The following BCAR1 variants were observed in gnomAD, a reference collection of about 807,000 sequenced individuals.
BCAR1 encodes breast cancer anti-estrogen resistance protein 1.
In BCAR1, 30 loss-of-function variants were observed where a neutral mutation model predicts 67.6. That is an observed-to-expected ratio of 0.44 (90% CI 0.33 to 0.60). The LOEUF is 0.60. BCAR1 is among the 20% of genes least tolerant of loss of function. The pLI is 0.02. For synonymous variants in BCAR1, 626 were observed against 556.7 expected, an observed-to-expected ratio of 1.12 and a Z score of -1.75; for missense variants, 1,313 against 1,222.3, an observed-to-expected ratio of 1.07 and a Z score of -1.11.
At chr16:75,238,117 G>T (rs1277554046) in intron 2 of BCAR1, 1 of 1,288,332 alleles carries the variant, frequency 7.8e-7, no homozygotes, top group African/African-American at 1.5e-5. Flanking sequence ...GGGAAGCCAA[G>T]GCCCGCACAG....
At chr16:75,251,438 C>G in intron 1 of BCAR1, 33 bp downstream of exon 1, 1 of 1,467,544 alleles carries the variant, frequency 6.8e-7, no homozygotes, top group Middle Eastern at 1.9e-4. Flanking sequence ...CCTCCAAGCC[C>G]GTACGCGGCC....
chr16:75,241,173 G>C (rs1477251443), intron 2 of BCAR1, among the ~76,000 whole-genome samples: 1 of 152,230 alleles, frequency 6.6e-6, no homozygotes, highest in Non-Finnish European at 1.5e-5. Context: ...GTATGCACGT[G>C]TGTTTACACA....
chr16:75,258,550 A>AAAC (rs1187927468), intron 1 of BCAR1, among the ~76,000 whole-genome samples: 3 of 152,346 alleles, frequency 2.0e-5, no homozygotes, highest in African/African-American at 7.2e-5. Context: ...GCACAAACGT[A>AAAC]AACGCTTGCA....
upstream of BCAR1, among the ~76,000 whole-genome samples, chr16:75,254,166 T>G (rs2077732935): frequency 6.6e-6 from 1 of 151,798 alleles, no homozygotes; most frequent in South Asian, 2.1e-4. Context: ...TCCCACACAT[T>G]TCGGGGCACA....
intron 1 of BCAR1, chr16:75,263,913 A>T (rs1190611640): frequency 9.4e-7 from 1 of 1,068,778 alleles, no homozygotes; most frequent in African/African-American, 1.7e-5. Context: ...TGGCCCCACC[A>T]CCTCACACAC....
intron 1 of BCAR1, chr16:75,243,571 T>G: frequency 2.2e-6 from 1 of 460,832 alleles, no homozygotes; most frequent in East Asian, 6.4e-5. Context: ...CTTAACAAAG[T>G]CTATCTACCC....
At chr16:75,233,821 G>A (rs1301866839) in intron 6 of BCAR1, 25 bp downstream of exon 6, 1 of 1,578,644 alleles carries the variant, frequency 6.3e-7, no homozygotes, top group Non-Finnish European at 8.6e-7. Flanking sequence ...GCAAAGCTGG[G>A]CCTTGCTCTG....
At chr16:75,261,621 A>G (rs1035457447) in intron 1 of BCAR1, among the ~76,000 whole-genome samples, 16 of 152,230 alleles carry the variant, frequency 1.1e-4, no homozygotes, top group African/African-American at 3.1e-4. Flanking sequence ...GGTTGCCCCA[A>G]TGCAGGTCAC....
intron 1 of BCAR1, chr16:75,264,887 G>C (rs982358987): frequency 5.9e-6 from 1 of 169,908 alleles, no homozygotes; most frequent in Non-Finnish European, 1.2e-5. Flanking sequence ...AGCTCGCCAG[G>C]TGCAGATGGT....
intron 1 of BCAR1, among the ~76,000 whole-genome samples, chr16:75,260,614 A>G (rs1008984322): frequency 4.8e-5 from 7 of 145,028 alleles, no homozygotes; most frequent in Non-Finnish European, 9.0e-5. Flanking sequence ...AGCCTGGGTG[A>G]CAGAGTGAGA....
chr16:75,255,190 G>A (rs1286443828), upstream of BCAR1, among the ~76,000 whole-genome samples: 2 of 152,212 alleles, frequency 1.3e-5, no homozygotes, highest in African/African-American at 2.4e-5. Context: ...GAAAAGAGCA[G>A]GCTAAAACCA....
At chr16:75,244,046 T>C (rs1368860067) in intron 1 of BCAR1, among the ~76,000 whole-genome samples, 1 of 152,124 alleles carries the variant, frequency 6.6e-6, no homozygotes. Flanking sequence ...GAGGGCTGCA[T>C]GGGTTCCACA....
chr16:75,235,724 T>C lies in BCAR1; in HGVS notation c.1175A>G (p.Glu392Gly). Reference sequence around the variant, plus strand: ...AGCCACCTCAGGAGGAAGCACCCGTTCACGGGGCACATCGTACAGGGTGCC... The same window carrying C: ...AGCCACCTCAGGAGGAAGCACCCGTCCACGGGGCACATCGTACAGGGTGCC... ...GPGTLYDVPR[E>G]RVLPPEVADG... is the part of the protein sequence containing the mutation. Residue 392 changes from glutamate to glycine, a missense_variant, in exon 5 of 7, where the codon GAA (glutamate) becomes GGA (glycine). Physicochemically the swap from Glu to Gly is moderately conservative, Grantham distance 98. Around this residue, in one of 2 missense-constraint regions of BCAR1, gnomAD observed 1,272 missense variants for 1,137.5 expected, o/e 1.12. Transcript: ENST00000162330. The C allele has an allele frequency of 1.2e-6, 2 of 1,607,032 alleles. No homozygotes were observed. Among genetic ancestry groups the C allele is most frequent in the Non-Finnish European group, 8.5e-7 (1 of 1,176,712 alleles).
rs2077818820 is a variant in BCAR1, at chr16:75,257,905, G to T, written c.66+10010C>A. On this transcript the variant is annotated intron_variant, in intron 1 of 6. Transcript: ENST00000393422. ...TCGCCCAGGCTTAGACTAGAGGAAG[G>T]GAGCAGATATTAATGACTCCAACTC... Among the ~76,000 whole-genome samples the T allele has an allele frequency of 2.0e-5, 3 of 152,216 alleles. No individual in the cohort carries two copies. The South Asian group carries it at 6.2e-4, about 32-fold the overall frequency.
chr16:75,235,837 G>A lies in BCAR1; in HGVS notation c.1062C>T (p.Asp354=). 1.3e-6 allele frequency: 2 copies of A among 1,573,738 alleles called. No homozygotes were observed. Among genetic ancestry groups the A allele is most frequent in the African/African-American group, 2.7e-5 (2 of 74,322 alleles). ...CATACACGTCCTCGGCCGGCGGGGA[G>A]TCTGGAGGGGGCGCAGCCAGTACCA... The part of the protein sequence containing the change: ...TPLVLAAPPP[D]SPPAEDVYDV... Residue 354 remains aspartate, a synonymous_variant, in exon 5 of 7, where the codon GAC becomes GAT. Transcript: ENST00000162330.
chr16:75,254,015 G>A (rs917549679), upstream of BCAR1, among the ~76,000 whole-genome samples: 5 of 150,620 alleles, frequency 3.3e-5, no homozygotes, highest in African/African-American at 4.9e-5. Context: ...TGGTCAGGCT[G>A]GTCTCGAACT....
At chr16:75,243,366 T>C (rs941364837) in intron 1 of BCAR1, 2 of 631,238 alleles carry the variant, frequency 3.2e-6, no homozygotes, top group South Asian at 1.5e-5. Flanking sequence ...GGGATGACCC[T>C]CAAGATATCC....
chr16:75,264,248 G>A, intron 1 of BCAR1: 6 of 1,372,044 alleles, frequency 4.4e-6, no homozygotes, highest in Non-Finnish European at 4.7e-6. Flanking sequence ...GGCTCTGACT[G>A]TGGACAACCA....
chr16:75,238,880 C>T (rs2077236669), intron 2 of BCAR1: 11 of 985,392 alleles, frequency 1.1e-5, no homozygotes, highest in Non-Finnish European at 1.2e-5. Context: ...TCCAGGCCTC[C>T]CAGCCTCCCA....
Sources: gnomAD v4.1 joint callset for allele counts (sites outside exome capture counted in the v4.1 genomes callset) on GRCh38, gnomAD v4.1.1 for gene constraint, gnomAD v4.1.1 regional missense constraint, MANE v1.5 for transcripts, NCBI Gene and HGNC (gene_info 2026-07-23, HGNC 2026-07-21) for gene names.